The following TUFT1 variants were observed in gnomAD, a reference collection of about 807,000 sequenced individuals.
TUFT1 encodes the protein tuftelin 1.
In TUFT1, 43 loss-of-function variants were observed where a neutral mutation model predicts 57.8. That is an observed-to-expected ratio of 0.74 (90% CI 0.58 to 0.96). The LOEUF (loss-of-function observed/expected upper bound fraction) is 0.96. Ranked by LOEUF, TUFT1 falls within the 40% of genes least tolerant of loss-of-function variation. TUFT1 has a pLI of 0.00. For synonymous variants in TUFT1, 166 were observed against 176.7 expected (o/e 0.94, Z 0.48); for missense variants, 459 against 489.0 (o/e 0.94, Z 0.58).
Position 151,580,833 on chromosome 1 carries a change from G to C in TUFT1, c.1009-109G>C, listed in dbSNP as rs1224007321. 5 of 926,750 alleles carry C rather than the reference G, an allele frequency of 5.4e-6. No homozygotes were observed. In the East Asian group the frequency reaches 1.2e-4, roughly 23 times the overall value. The allele number at this position is 926,750 out of a possible 1,614,324, so 57.4% of individuals were successfully genotyped here. A position where few individuals can be genotyped will look rare whatever the true frequency, so the allele number is the denominator to read the frequency against. The stretch of plus-strand genomic sequence containing the variant: ...GGTGGTGGCACGCATGGTGGGGGTA[G>C]AGGCAACAGCAGCATAAACACAGGC... On this transcript the variant is annotated intron_variant, in intron 11 of 12. Coordinates refer to ENST00000368849, the MANE Select transcript of TUFT1 (RefSeq NM_020127.3).
At chr1:151,575,079 C>A in intron 9 of TUFT1, 74 bp downstream of exon 9, 2 of 1,296,748 alleles carry the variant, frequency 1.5e-6, no homozygotes, top group Non-Finnish European at 1.1e-6. Flanking sequence ...GCCTGTTGCT[C>A]CTGTGGTGGC....
chr1:151,545,316 A>G (rs868243854), intron 1 of TUFT1, among the ~76,000 whole-genome samples: 1 of 152,096 alleles, frequency 6.6e-6, no homozygotes, highest in Non-Finnish European at 1.5e-5. Flanking sequence ...GTCTCAAACA[A>G]ACAAAAAAAA....
At chr1:151,559,203 G>A (rs1473284110) in intron 1 of TUFT1, among the ~76,000 whole-genome samples, 2 of 152,198 alleles carry the variant, frequency 1.3e-5, no homozygotes, top group Non-Finnish European at 2.9e-5. Flanking sequence ...TGACCTAGAT[G>A]TCATGGAGCA....
intron 7 of TUFT1, 75 bp downstream of exon 7, chr1:151,569,845 T>C (rs1666201389): frequency 8.3e-7 from 1 of 1,200,252 alleles, no homozygotes; most frequent in Non-Finnish European, 1.2e-6. Context: ...ATGTCTCAGC[T>C]TGGACTTCCT....
At chr1:151,573,828 G>A (rs1433792258) in intron 7 of TUFT1, among the ~76,000 whole-genome samples, 1 of 152,192 alleles carries the variant, frequency 6.6e-6, no homozygotes, top group Non-Finnish European at 1.5e-5. Context: ...TGGCTGTTGT[G>A]TGTGGGCTCT....
At chr1:151,549,691 A>C (rs1006754021) in intron 1 of TUFT1, among the ~76,000 whole-genome samples, 13 of 152,322 alleles carry the variant, frequency 8.5e-5, no homozygotes, top group Admixed American at 7.8e-4. Context: ...ATGGTCATCA[A>C]TCAGGACTCA....
At chr1:151,569,621 G>C (rs1450945406) in intron 6 of TUFT1, 36 bp from the exon 7 acceptor site, 2 of 1,581,652 alleles carry the variant, frequency 1.3e-6, no homozygotes, top group Non-Finnish European at 1.7e-6. Flanking sequence ...TCAGAAACTT[G>C]AGGGCTTCCC....
chr1:151,559,416 A>G (rs942063299), intron 1 of TUFT1, among the ~76,000 whole-genome samples: 4 of 152,206 alleles, frequency 2.6e-5, no homozygotes, highest in Non-Finnish European at 5.9e-5. Context: ...AAGATGAGGC[A>G]TTTGAACATG....
At chr1:151,562,771 A>G in intron 3 of TUFT1, 85 bp downstream of exon 3, 2 of 1,211,908 alleles carry the variant, frequency 1.7e-6, no homozygotes, top group South Asian at 2.6e-5. Flanking sequence ...GTTGTTGCCA[A>G]AGGGAGCTTG....
intron 1 of TUFT1, among the ~76,000 whole-genome samples, chr1:151,541,153 C>T (rs1665151574): frequency 6.6e-6 from 1 of 152,048 alleles, no homozygotes; most frequent in Non-Finnish European, 1.5e-5. Flanking sequence ...CGTCTCCAGC[C>T]GCCAGGCCCT....
intron 1 of TUFT1, among the ~76,000 whole-genome samples, chr1:151,559,630 T>G (rs1011463431): frequency 6.6e-6 from 1 of 152,134 alleles, no homozygotes; most frequent in African/African-American, 2.4e-5. Flanking sequence ...TTTTATTTCA[T>G]AGGAATTAAG....
At chr1:151,566,287 C>A in intron 6 of TUFT1, 59 bp downstream of exon 6, 2 of 1,403,848 alleles carry the variant, frequency 1.4e-6, no homozygotes, top group South Asian at 2.4e-5. Context: ...TTGCCTCCTC[C>A]CCATCCTTTT....
rs114673006 is a variant in TUFT1, at chr1:151,579,806, A to T, written c.1008+74A>T. ...GGTGGACATAAGGGAGACAGAGGTTATGGGAGGGGTCTTTGTCATGTCTTG... is the reference window on the plus strand; with the variant it reads ...GGTGGACATAAGGGAGACAGAGGTTTTGGGAGGGGTCTTTGTCATGTCTTG... On this transcript the variant is annotated intron_variant, in intron 11 of 12. Coordinates refer to ENST00000368849, the MANE Select transcript of TUFT1 (RefSeq NM_020127.3). 4.0e-3 allele frequency: 5,644 copies of T among 1,421,424 alleles called. 200 individuals are homozygous for T. In the African/African-American group the frequency reaches 0.076, roughly 19 times the overall value. The allele number at this position is 1,421,424 out of a possible 1,614,324, so 88.1% of individuals were successfully genotyped here. A position where few individuals can be genotyped will look rare whatever the true frequency, so the allele number is the denominator to read the frequency against.
chr1:151,542,485 G>T (rs1451040571), intron 1 of TUFT1, among the ~76,000 whole-genome samples: 2 of 151,824 alleles, frequency 1.3e-5, no homozygotes, highest in African/African-American at 4.8e-5. Flanking sequence ...GCCCACCTTG[G>T]CCTCCCAAAG....
Position 151,540,380 on chromosome 1 carries a change from G to A in TUFT1, c.14G>A (p.Arg5Gln). 6.2e-7 allele frequency: 1 copy of A among 1,614,174 alleles called. No homozygotes were observed. Residue 5 changes from arginine (R) to glutamine (Q), a missense_variant, in exon 1 of 13, where the codon CGG (arginine) becomes CAG (glutamine). Transcript: ENST00000368849. MNGT[R>Q]NWCTLVDVHP... The stretch of plus-strand genomic sequence containing the variant: ...CCCCGAGGGAAGATGAACGGGACGC[G>A]GAACTGGTGTACCCTGGTGGACGTG...
At chr1:151,549,958 G>A (rs908167496) in intron 1 of TUFT1, among the ~76,000 whole-genome samples, 1 of 152,226 alleles carries the variant, frequency 6.6e-6, no homozygotes, top group Non-Finnish European at 1.5e-5. Flanking sequence ...CTGGACTCAG[G>A]TGATCTGCCC....
chr1:151,552,426 G>A (rs1040917495), intron 1 of TUFT1, among the ~76,000 whole-genome samples: 3 of 152,172 alleles, frequency 2.0e-5, no homozygotes, highest in African/African-American at 7.2e-5. Flanking sequence ...AAAAAGGCCC[G>A]GGCGCGGTGG....
At chr1:151,558,604 A>G (rs942645097) in intron 1 of TUFT1, among the ~76,000 whole-genome samples, 2 of 151,996 alleles carry the variant, frequency 1.3e-5, no homozygotes, top group Non-Finnish European at 2.9e-5. Flanking sequence ...GCTGGATGGA[A>G]TCATCTCTCA....
intron 7 of TUFT1, among the ~76,000 whole-genome samples, chr1:151,573,650 A>G (rs1039407003): frequency 6.6e-6 from 1 of 152,246 alleles, no homozygotes; most frequent in Non-Finnish European, 1.5e-5. Flanking sequence ...AGGCTGAGGC[A>G]GGAGAATCAC....
Sources: allele counts gnomAD v4.1 joint callset (sites outside exome capture counted in the v4.1 genomes callset), GRCh38; gene constraint gnomAD v4.1.1; transcripts MANE v1.5; gene names NCBI Gene and HGNC (gene_info 2026-07-23, HGNC 2026-07-21).